LRIG1: variants seen among roughly 807,000 people sequenced by gnomAD.
LRIG1 encodes the protein leucine rich repeats and immunoglobulin like domains 1, also known as leucine-rich repeats and immunoglobulin-like domains protein 1.
In LRIG1, 48 loss-of-function variants were observed where a neutral mutation model predicts 99.2. That is an observed-to-expected ratio of 0.48 (90% CI 0.38 to 0.62). The LOEUF (loss-of-function observed/expected upper bound fraction) is 0.62. Ranked by LOEUF, LRIG1 falls within the 20% of genes least tolerant of loss-of-function variation. The pLI, the probability that LRIG1 is intolerant of heterozygous loss-of-function variation, is 0.00. For synonymous variants in LRIG1, 772 were observed against 596.1 expected, an observed-to-expected ratio of 1.29 and a Z score of -4.30; for missense variants, 1,646 against 1,434.4, an observed-to-expected ratio of 1.15 and a Z score of -2.38.
chr3:66,464,550 C>G (rs1700428411), intron 1 of LRIG1, among the ~76,000 whole-genome samples: 1 of 152,082 alleles, frequency 6.6e-6, no homozygotes, highest in Admixed American at 6.5e-5. Context: ...TCTGCAGGCC[C>G]CATTTGGCTT....
intron 3 of LRIG1, among the ~76,000 whole-genome samples, chr3:66,450,490 C>T (rs944677222): frequency 2.0e-5 from 3 of 152,256 alleles, no homozygotes; most frequent in Admixed American, 6.5e-5. Flanking sequence ...ATTCTAACCC[C>T]CCACGCTCTC....
At chr3:66,430,840 G>A (rs537569033) in intron 3 of LRIG1, among the ~76,000 whole-genome samples, 1 of 152,222 alleles carries the variant, frequency 6.6e-6, no homozygotes, top group African/African-American at 2.4e-5. Context: ...CGTATTTATC[G>A]CTTTTGCTCA....
At chr3:66,414,387 CTG>C (rs879427109) in intron 5 of LRIG1, among the ~76,000 whole-genome samples, 4 of 151,036 alleles carry the variant, frequency 2.6e-5, no homozygotes, top group Non-Finnish European at 5.9e-5. Flanking sequence ...CAGAGCGAGA[CTG>C]TCGCAAAAAA....
chr3:66,450,866 A>G (rs139493116), intron 3 of LRIG1, among the ~76,000 whole-genome samples: 168 of 152,302 alleles, frequency 1.1e-3, no homozygotes, highest in African/African-American at 3.8e-3. Flanking sequence ...GTTTATCTGG[A>G]AAGTCTTCTG....
intron 2 of LRIG1, among the ~76,000 whole-genome samples, chr3:66,456,456 C>T (rs1277320507): frequency 3.8e-4 from 57 of 151,988 alleles, no homozygotes; most frequent in Non-Finnish European, 1.0e-4. Flanking sequence ...GCCTGTAGTT[C>T]CAGCTACTCA....
chr3:66,393,714 G>T (rs6790222), intron 12 of LRIG1, among the ~76,000 whole-genome samples: 47,695 of 152,012 alleles, frequency 0.31, 8,710 homozygotes, highest in African/African-American at 0.51. Flanking sequence ...CCTCGTACGC[G>T]GAGTACATTC....
At chr3:66,481,925 T>C (rs188358917) in intron 1 of LRIG1, among the ~76,000 whole-genome samples, 18 of 152,378 alleles carry the variant, frequency 1.2e-4, no homozygotes, top group Admixed American at 1.1e-3. Context: ...CAGCTTACAA[T>C]TCAACCTTGT....
At chr3:66,490,902 C>G (rs537669931) in intron 1 of LRIG1, among the ~76,000 whole-genome samples, 114 of 152,290 alleles carry the variant, frequency 7.5e-4, no homozygotes, top group Non-Finnish European at 1.3e-3. Context: ...GTAATTCCCA[C>G]TCAGATTCCT....
chr3:66,444,162 C>T (rs956607061), intron 3 of LRIG1, among the ~76,000 whole-genome samples: 5 of 152,222 alleles, frequency 3.3e-5, no homozygotes, highest in African/African-American at 1.2e-4. Flanking sequence ...CCAGCACCCA[C>T]CGGCTGAGAG....
chr3:66,471,404 G>A (rs1353622814), intron 1 of LRIG1, among the ~76,000 whole-genome samples: 2 of 152,148 alleles, frequency 1.3e-5, no homozygotes, highest in Non-Finnish European at 2.9e-5. Flanking sequence ...CAGTAACAGA[G>A]CTGAATCTTT....
Position 66,380,657 on chromosome 3 carries a change from T to C in LRIG1, c.2975A>G (p.Gln992Arg). ...GTGGTTACTGGGGTAGAGCGACCCT[T>C]GGCACTCGGGGCAGGACCCAGCGGC... ...RTAAGSCPEC[Q>R]GSLYPSNHDR... Residue 992 changes from glutamine to arginine, a missense_variant, in exon 18 of 19, where the codon CAA (glutamine) becomes CGA (arginine). Gln to Arg is a conservative substitution (Grantham distance 43). Transcript: ENST00000273261. 1 of 1,614,190 alleles carries C rather than the reference T, an allele frequency of 6.2e-7. No homozygotes were observed. The highest frequency in any genetic ancestry group is 8.5e-7 in the Non-Finnish European group (1 of 1,180,038).
intron 2 of LRIG1, among the ~76,000 whole-genome samples, chr3:66,459,789 T>C (rs887149528): frequency 1.3e-5 from 2 of 152,204 alleles, no homozygotes; most frequent in East Asian, 1.9e-4. Flanking sequence ...ACAAAGACTA[T>C]ATTAATGCAA....
At chr3:66,463,367 C>T (rs1334383179) in intron 1 of LRIG1, among the ~76,000 whole-genome samples, 4 of 152,186 alleles carry the variant, frequency 2.6e-5, no homozygotes, top group Admixed American at 1.3e-4. Flanking sequence ...AATTCTTGTT[C>T]GTGTTAACCA....
intron 3 of LRIG1, among the ~76,000 whole-genome samples, chr3:66,437,387 T>G (rs907180611): frequency 3.3e-5 from 5 of 152,232 alleles, no homozygotes; most frequent in Non-Finnish European, 7.3e-5. Context: ...GGGCAAGCCC[T>G]GTCCACCTCT....
At chr3:66,466,725 T>C (rs1215363330) in intron 1 of LRIG1, among the ~76,000 whole-genome samples, 1 of 152,234 alleles carries the variant, frequency 6.6e-6, no homozygotes, top group African/African-American at 2.4e-5. Context: ...CTTATTTCTA[T>C]GAACACGATC....
At chr3:66,404,335 G>C in intron 9 of LRIG1, 1 of 1,286,974 alleles carries the variant, frequency 7.8e-7, no homozygotes, top group African/African-American at 1.5e-5. Context: ...CGGGCTGGGG[G>C]AATCGAGCGG....
chr3:66,456,398 A>G (rs1700221408), intron 2 of LRIG1, among the ~76,000 whole-genome samples: 2 of 152,106 alleles, frequency 1.3e-5, no homozygotes, highest in South Asian at 2.1e-4. Flanking sequence ...CCTGGGCAAC[A>G]TGACAAAACC....
intron 9 of LRIG1, chr3:66,401,532 A>T: frequency 1.0e-6 from 1 of 986,844 alleles, no homozygotes; most frequent in Non-Finnish European, 1.4e-6. Flanking sequence ...CGGTGACAAT[A>T]GCAATAAAAT....
chr3:66,406,056 C>T (rs897444400), intron 8 of LRIG1: 14 of 986,622 alleles, frequency 1.4e-5, no homozygotes, highest in Middle Eastern at 3.9e-4. Context: ...ATTTTCCCCC[C>T]GAGCCCTTGC....
Sources: allele counts gnomAD v4.1 joint callset (sites outside exome capture counted in the v4.1 genomes callset), GRCh38; gene constraint gnomAD v4.1.1; transcripts MANE v1.5; gene names NCBI Gene and HGNC (gene_info 2026-07-23, HGNC 2026-07-21).